Variants in MINDY3 observed in about 807,000 individuals in gnomAD.
MINDY3 encodes the protein ubiquitin carboxyl-terminal hydrolase MINDY-3.
MINDY3 carries 38 observed loss-of-function variants against 69.2 expected under a neutral mutation model. The observed-to-expected ratio is 0.55, with a 90% confidence interval of 0.42 to 0.72. The LOEUF (loss-of-function observed/expected upper bound fraction) is 0.72. Among genes scored for constraint, MINDY3 ranks in the 30% least tolerant of loss-of-function variants. The pLI is 0.00. For missense variants in MINDY3, 522 were observed against 519.0 expected (o/e 1.01, Z -0.06); for synonymous variants, 192 against 180.1 (o/e 1.07, Z -0.53).
At chr10:15,841,385 G>C (rs750241669) in intron 4 of MINDY3, 41 bp downstream of exon 4, 2 of 1,498,200 alleles carry the variant, frequency 1.3e-6, no homozygotes, top group Admixed American at 2.0e-5. Context: ...TTAAAACAAA[G>C]GAACAAGAAA....
At chr10:15,781,127 T>C (rs1836496606) in intron 14 of MINDY3, among the ~76,000 whole-genome samples, 1 of 152,100 alleles carries the variant, frequency 6.6e-6, no homozygotes, top group Non-Finnish European at 1.5e-5. Flanking sequence ...TGCATATATA[T>C]ATACATGCAA....
intron 10 of MINDY3, among the ~76,000 whole-genome samples, chr10:15,804,580 T>C (rs1158904256): frequency 6.6e-6 from 1 of 152,162 alleles, no homozygotes; most frequent in Non-Finnish European, 1.5e-5. Context: ...ACTGCACATA[T>C]ATAAATGACA....
rs76018646 is a variant in MINDY3 at position 15,832,308 on chromosome 10, C to G, written c.730+1322G>C. Among the ~76,000 whole-genome samples the G allele has an allele frequency of 8.3e-3, 1,260 of 152,074 alleles. 22 individuals are homozygous for G. Among genetic ancestry groups the G allele is most frequent in the African/African-American group, 0.028 (1,153 of 41,440 alleles). ...AGCAAGAACCTATTGCTTCCCTAAT[C>G]ATATGAGATAAGATACCTGGGGGTC... On this transcript the variant is annotated intron_variant, in intron 8 of 14. Coordinates refer to ENST00000277632, the MANE Select transcript of MINDY3 (RefSeq NM_024948.4).
intron 12 of MINDY3, 96 bp from the exon 13 acceptor site, chr10:15,786,744 C>A (rs1013310521): frequency 5.5e-6 from 4 of 729,610 alleles, no homozygotes; most frequent in Admixed American, 2.5e-5. Context: ...ACACATTCGG[C>A]TGCCAAAAAC....
In MINDY3 at chr10:15,783,693, C is replaced by A. The variant is rs528811305; in HGVS notation, c.1117-1467G>T. 1.2e-3 allele frequency among the ~76,000 whole-genome samples: 187 copies of A among 152,208 alleles called. 1 individual carries two copies. The highest frequency in any genetic ancestry group is 2.4e-3 in the Non-Finnish European group (164 of 68,008). ...TGTTTAATTTTTCATGTCTTACATT[C>A]CCAACTAAAGCCTAAAATTGTTTTG... On this transcript the variant is annotated intron_variant, in intron 13 of 14. Transcript: ENST00000277632.
chr10:15,851,405 G>A (rs1834288413), intron 1 of MINDY3, among the ~76,000 whole-genome samples: 1 of 151,808 alleles, frequency 6.6e-6, no homozygotes, highest in African/African-American at 2.4e-5. Flanking sequence ...TTCACCCTTT[G>A]CCATTCTCCC....
In MINDY3 at chr10:15,814,615, C is replaced by T. The variant is rs139327073; in HGVS notation, c.882+2220G>A. On this transcript the variant is annotated intron_variant, in intron 10 of 14. Coordinates refer to ENST00000277632, the MANE Select transcript of MINDY3 (RefSeq NM_024948.4). ...TTAACTCCATGTCTCTAATTCAACA[C>T]GTTATTGCACATGACAGGGATCTAT... 1.1e-3 allele frequency among the ~76,000 whole-genome samples: 164 copies of T among 152,130 alleles called. 1 individual carries two copies. The highest frequency in any genetic ancestry group is 3.7e-3 in the African/African-American group (153 of 41,496).
At chr10:15,847,216 T>A (rs1329248492) in intron 2 of MINDY3, among the ~76,000 whole-genome samples, 2 of 152,246 alleles carry the variant, frequency 1.3e-5, no homozygotes, top group African/African-American at 4.8e-5. Flanking sequence ...AATTCTTGGT[T>A]TTAACAATTT....
chr10:15,800,508 C>A (rs1838182829), intron 10 of MINDY3, among the ~76,000 whole-genome samples: 1 of 152,100 alleles, frequency 6.6e-6, no homozygotes, highest in Non-Finnish European at 1.5e-5. Flanking sequence ...GCCCATCACT[C>A]CAGTGAGTTC....
chr10:15,823,424 T>C (rs116737913), intron 8 of MINDY3, among the ~76,000 whole-genome samples: 34 of 152,306 alleles, frequency 2.2e-4, no homozygotes, highest in African/African-American at 7.9e-4. Context: ...AGACTAAATT[T>C]ATAAGCATAT....
chr10:15,786,188 C>T (rs1419727216), intron 13 of MINDY3, among the ~76,000 whole-genome samples: 1 of 152,142 alleles, frequency 6.6e-6, no homozygotes, highest in African/African-American at 2.4e-5. Flanking sequence ...TAGCTAGGGG[C>T]TTCTACTACC....
chr10:15,804,088 C>A (rs116334752), intron 10 of MINDY3, among the ~76,000 whole-genome samples: 261 of 152,180 alleles, frequency 1.7e-3, no homozygotes, highest in African/African-American at 6.1e-3. Flanking sequence ...AAAAGCAGTT[C>A]TTTACATTAG....
At chr10:15,795,490 A>G (rs936183741) in intron 11 of MINDY3, among the ~76,000 whole-genome samples, 1 of 152,100 alleles carries the variant, frequency 6.6e-6, no homozygotes, top group African/African-American at 2.4e-5. Context: ...AAGTATGACA[A>G]CTTAGTTTTG....
chr10:15,853,232 T>C (rs565318116), intron 1 of MINDY3, among the ~76,000 whole-genome samples: 3 of 152,122 alleles, frequency 2.0e-5, no homozygotes, highest in East Asian at 3.9e-4. Flanking sequence ...AGAGGAAGTT[T>C]AAGGTCTCCA....
chr10:15,846,608 CATA>C (rs1564526529), intron 2 of MINDY3, among the ~76,000 whole-genome samples: 2 of 151,856 alleles, frequency 1.3e-5, no homozygotes, highest in South Asian at 2.1e-4. Flanking sequence ...TGGAATCAAC[CATA>C]ATTTTTCTTC....
intron 11 of MINDY3, among the ~76,000 whole-genome samples, chr10:15,795,758 CTGTT>C (rs1463449780): frequency 1.3e-5 from 2 of 151,986 alleles, no homozygotes; most frequent in Non-Finnish European, 2.9e-5. Flanking sequence ...CCTGGAAGAT[CTGTT>C]TATTTAATAT....
intron 1 of MINDY3, among the ~76,000 whole-genome samples, chr10:15,848,683 T>C (rs1178169170): frequency 1.4e-5 from 2 of 142,306 alleles, no homozygotes; most frequent in Admixed American, 1.4e-4. Context: ...TTAAATGGCA[T>C]TGTAGACAGT....
intron 1 of MINDY3, among the ~76,000 whole-genome samples, chr10:15,859,182 TGGGA>T (rs933597916): frequency 4.3e-4 from 65 of 152,054 alleles, no homozygotes; most frequent in African/African-American, 1.5e-3. Context: ...AACAAACATG[TGGGA>T]GGGAGGGAGA....
intron 10 of MINDY3, among the ~76,000 whole-genome samples, chr10:15,816,288 G>GAAAAAAAAAAAAAAAAAAAAAAAAGAAAA (rs1331576458): frequency 8.8e-6 from 1 of 113,964 alleles, no homozygotes; most frequent in African/African-American, 5.4e-5. Flanking sequence ...AAATGAAAAA[G>GAAAAAAAAAAAAAAAAAAAAAAAAGAAAA]AAAAAAAATA....
Sources: allele counts gnomAD v4.1 joint callset (sites outside exome capture counted in the v4.1 genomes callset), GRCh38; gene constraint gnomAD v4.1.1; transcripts MANE v1.5; gene names NCBI Gene and HGNC (gene_info 2026-07-23, HGNC 2026-07-21).